ZWILCH: variants seen among roughly 807,000 people sequenced by gnomAD.
The protein encoded by ZWILCH is protein zwilch homolog.
ZWILCH carries 74 observed loss-of-function variants against 79.9 expected under a neutral mutation model. The observed-to-expected ratio is 0.93, with a 90% CI of 0.77 to 1.12. The LOEUF (loss-of-function observed/expected upper bound fraction) is 1.12, where lower values mean the gene tolerates loss of function less well. ZWILCH is among the 50% of genes most tolerant of loss of function. The pLI is 0.00. For synonymous variants in ZWILCH, 241 were observed against 228.2 expected (o/e 1.06, Z -0.51); for missense variants, 694 against 687.5 (o/e 1.01, Z -0.11).
In ZWILCH at chr15:66,533,018, GT is replaced by G. The variant is rs1894901906; in HGVS notation, c.1341+8del. The G allele has an allele frequency of 1.3e-6, 2 of 1,575,208 alleles. No individual in the cohort carries two copies. Among genetic ancestry groups the G allele is most frequent in the Non-Finnish European group, 1.7e-6 (2 of 1,157,132 alleles). ...CTTGCATCTTTGAATCATTTGGTGA[GT>G]TTATTTTTTTATTCTAAAATTGGTT... On this transcript the variant is annotated splice_donor_region_variant and intron_variant, in intron 14 of 18. Coordinates refer to ENST00000307897, the MANE Select transcript of ZWILCH (RefSeq NM_017975.5).
At chr15:66,539,128 T>G (rs1895113058) in intron 16 of ZWILCH, among the ~76,000 whole-genome samples, 1 of 152,124 alleles carries the variant, frequency 6.6e-6, no homozygotes, top group Non-Finnish European at 1.5e-5. Flanking sequence ...TCACCATCAT[T>G]AATCTCTATC....
In ZWILCH at chr15:66,519,059, A is replaced by G. The variant is rs1426619239; in HGVS notation, c.501A>G (p.Leu167=). ...ACAACAGCATTACAGGAATTGTCTT[A>G]TATGTGGTCAGTTGTAAAGGTGAGT... ...TTNNSITGIV[L]YVVSCKADKN... Residue 167 remains leucine, a synonymous_variant, in exon 5 of 19, where the codon TTA becomes TTG. Coordinates refer to ENST00000307897, the MANE Select transcript of ZWILCH (RefSeq NM_017975.5). 2 of 1,614,196 alleles carry G rather than the reference A, an allele frequency of 1.2e-6. No homozygotes were observed. Among genetic ancestry groups the G allele is most frequent in the Non-Finnish European group, 1.7e-6 (2 of 1,180,030 alleles).
intron 4 of ZWILCH, among the ~76,000 whole-genome samples, chr15:66,517,417 C>CGTGTGTGTGTGT (rs141565295): frequency 0.02 from 1,567 of 79,912 alleles, 48 homozygotes; most frequent in East Asian, 0.061. Flanking sequence ...TTTGTGTGTG[C>CGTGTGTGTGTGT]GTGTGTGTGT....
chr15:66,542,211 G>A (rs1476009393), intron 17 of ZWILCH, among the ~76,000 whole-genome samples: 2 of 152,180 alleles, frequency 1.3e-5, no homozygotes, highest in Non-Finnish European at 2.9e-5. Context: ...AGCACTTTGG[G>A]AGGCCGAGGT....
At chr15:66,533,726 A>G (rs79007524) in intron 14 of ZWILCH, among the ~76,000 whole-genome samples, 2,175 of 146,838 alleles carry the variant, frequency 0.015, 47 homozygotes, top group African/African-American at 0.051. Context: ...ACACACACAC[A>G]CGCGCACACA....
At chr15:66,508,639 T>C in intron 1 of ZWILCH, 1 of 1,070,804 alleles carries the variant, frequency 9.3e-7, no homozygotes. Context: ...GTTTTCTTTT[T>C]TGGTTCTCTT....
Position 66,532,346 on chromosome 15 carries a change from A to G in ZWILCH, c.1255A>G (p.Met419Val). ...VSLSGTIPVQMLLEIGLDKLK... is the reference protein window; with the variant it reads ...VSLSGTIPVQVLLEIGLDKLK... ...TCTCAGTGGGACTATTCCAGTTCAA[A>G]TGCTTTTGGAAATTGGTTTGGACAA... Residue 419 changes from methionine (M) to valine (V), a missense_variant, in exon 13 of 19, where the codon ATG (methionine) becomes GTG (valine). Transcript: ENST00000307897. 6.2e-7 allele frequency: 1 copy of G among 1,612,426 alleles called. No individual in the cohort carries two copies. Among genetic ancestry groups the G allele is most frequent in the Non-Finnish European group, 8.5e-7 (1 of 1,179,286 alleles).
At position 66,527,283 on chromosome 15, in the gene ZWILCH, C is replaced by T; in HGVS notation, c.820-7C>T. The T allele has an allele frequency of 6.2e-7, 1 of 1,612,482 alleles. No individual in the cohort carries two copies. The highest frequency in any genetic ancestry group is 8.5e-7 in the Non-Finnish European group (1 of 1,178,920). On this transcript the variant is annotated splice_region_variant and splice_polypyrimidine_tract_variant and intron_variant, in intron 8 of 18. Coordinates refer to ENST00000307897, the MANE Select transcript of ZWILCH (RefSeq NM_017975.5). Reference sequence around the variant, plus strand: ...ACAAGTTTTTGGGGTTTTTAAATCTCCTGTAGGTTTTGGCTGATGGTTTGA... The same window carrying T: ...ACAAGTTTTTGGGGTTTTTAAATCTTCTGTAGGTTTTGGCTGATGGTTTGA...
At chr15:66,541,430 A>G (rs1895190765) in intron 17 of ZWILCH, among the ~76,000 whole-genome samples, 1 of 152,204 alleles carries the variant, frequency 6.6e-6, no homozygotes, top group African/African-American at 2.4e-5. Flanking sequence ...CTTTTACTAA[A>G]AGAGATCAAG....
intron 1 of ZWILCH, among the ~76,000 whole-genome samples, chr15:66,508,505 T>C (rs1291536911): frequency 6.6e-6 from 1 of 152,240 alleles, no homozygotes; most frequent in Non-Finnish European, 1.5e-5. Flanking sequence ...GCAAGTTACA[T>C]TTTAATTTTA....
rs1555424259 is a variant in ZWILCH, at chr15:66,517,446, A to ATG, written c.321-1432_321-1431insGT. Among the ~76,000 whole-genome samples, 496 of 125,782 alleles carry ATG rather than the reference A, an allele frequency of 3.9e-3. 13 individuals carry two copies. Among genetic ancestry groups the ATG allele is most frequent in the South Asian group, 0.015 (59 of 4,060 alleles). The allele number at this position is 125,782 out of a possible 152,430, so 82.5% of individuals were successfully genotyped here. A position where few individuals can be genotyped will look rare whatever the true frequency, so the allele number is the denominator to read the frequency against. On this transcript the variant is annotated intron_variant, in intron 4 of 18. Transcript: ENST00000307897. ...TGTGTGTGTGTATATATATATATATATATATATATAGTAATGTACACACAT... is the reference window on the plus strand; with the variant it reads ...TGTGTGTGTGTATATATATATATATATGTATATATATAGTAATGTACACACAT...
chr15:66,517,687 A>G (rs970282543), intron 4 of ZWILCH, among the ~76,000 whole-genome samples: 1 of 107,650 alleles, frequency 9.3e-6, no homozygotes, highest in Non-Finnish European at 2.0e-5. Flanking sequence ...TGACAGCATC[A>G]TTTTGTGTTT....
At chr15:66,516,175 G>T (rs1269826545) in intron 4 of ZWILCH, among the ~76,000 whole-genome samples, 1 of 152,170 alleles carries the variant, frequency 6.6e-6, no homozygotes, top group African/African-American at 2.4e-5. Flanking sequence ...CTGCGCCGTG[G>T]ATGGTAAACA....
Position 66,523,489 on chromosome 15 carries a change from G to T in ZWILCH, c.748-188G>T, listed in dbSNP as rs1017797454. The stretch of plus-strand genomic sequence containing the variant: ...ATAAGTGGTTTTAATTTAGATTATT[G>T]GGTCAAGATGGCAAAATCTCTGAGT... On this transcript the variant is annotated intron_variant, in intron 7 of 18. Transcript: ENST00000307897. 6.0e-6 allele frequency: 3 copies of T among 503,376 alleles called. 1 individual carries two copies. The South Asian group carries it at 1.2e-4, about 20-fold the overall frequency. 31.2% of individuals were successfully genotyped at this position (503,376 alleles called of 1,614,324 possible). A position where few individuals can be genotyped will look rare whatever the true frequency, so the allele number is the denominator to read the frequency against.
chr15:66,544,031 G>A (rs560251990), intron 17 of ZWILCH, among the ~76,000 whole-genome samples: 129 of 152,208 alleles, frequency 8.5e-4, no homozygotes, highest in Middle Eastern at 3.4e-3. Context: ...AGGCCAAGGC[G>A]GGTGGATCAC....
chr15:66,527,990 T>A (rs1894735398), intron 10 of ZWILCH, 78 bp downstream of exon 10: 1 of 1,246,098 alleles, frequency 8.0e-7, no homozygotes, highest in Non-Finnish European at 1.1e-6. Flanking sequence ...TTTCATGTTG[T>A]ACCATCGCAA....
rs1465793993 is a variant in ZWILCH, at chr15:66,533,018, GTTTA to G, written c.1341+9_1341+12del. 1.9e-6 allele frequency: 3 copies of G among 1,575,090 alleles called. No individual in the cohort carries two copies. The highest frequency in any genetic ancestry group is 3.5e-5 in the Admixed American group (2 of 56,924). On this transcript the variant is annotated splice_donor_region_variant and intron_variant, in intron 14 of 18. Transcript: ENST00000307897. ...CTTGCATCTTTGAATCATTTGGTGA[GTTTA>G]TTTTTTTATTCTAAAATTGGTTTTT...
intron 2 of ZWILCH, among the ~76,000 whole-genome samples, chr15:66,513,594 C>A (rs951834574): frequency 3.4e-5 from 5 of 147,164 alleles, no homozygotes; most frequent in African/African-American, 1.3e-4. Flanking sequence ...TTTTTTGAAA[C>A]AGAGTCTCAC....
intron 17 of ZWILCH, among the ~76,000 whole-genome samples, chr15:66,543,219 A>G (rs535972492): frequency 6.6e-6 from 1 of 152,194 alleles, no homozygotes; most frequent in South Asian, 2.1e-4. Context: ...TAAATAAATA[A>G]ATACATTCTT....
Sources: allele counts gnomAD v4.1 joint callset (sites outside exome capture counted in the v4.1 genomes callset), GRCh38; gene constraint gnomAD v4.1.1; transcripts MANE v1.5; gene names NCBI Gene and HGNC (gene_info 2026-07-23, HGNC 2026-07-21).